FAT3: variants seen among roughly 807,000 people sequenced by gnomAD.
The protein encoded by FAT3 is FAT atypical cadherin 3, also known as protocadherin Fat 3.
In FAT3, 95 loss-of-function variants were observed where a neutral mutation model predicts 310.2. The ratio of observed to expected loss-of-function variants is 0.31; its 90% confidence interval spans 0.26 to 0.36. The LOEUF (loss-of-function observed/expected upper bound fraction) is 0.36, where lower values mean the gene tolerates loss of function less well. Ranked by LOEUF, FAT3 falls within the 10% of genes least tolerant of loss-of-function variation. The probability of loss-of-function intolerance (pLI) is 1.00; values close to 1 mark genes in which losing one functional copy is unlikely to be tolerated. For synonymous variants in FAT3, 2,314 were observed against 2,192.9 expected, an observed-to-expected ratio of 1.06 and a Z score of -1.54; for missense variants, 5,408 against 5,715.6, an observed-to-expected ratio of 0.95 and a Z score of 1.74.
At chr11:92,885,709 G>A (rs768877) in intron 24 of FAT3, among the ~76,000 whole-genome samples, 103,856 of 152,020 alleles carry the variant, frequency 0.68, 35,683 homozygotes, top group Middle Eastern at 0.79. Flanking sequence ...AAATGAAGGA[G>A]TGGAGAAAGG....
intron 22 of FAT3, among the ~76,000 whole-genome samples, chr11:92,877,940 G>A (rs1382970096): frequency 6.6e-6 from 1 of 152,110 alleles, no homozygotes; most frequent in Non-Finnish European, 1.5e-5. Flanking sequence ...GCTTAGCCTA[G>A]CCTACCTGAA....
At chr11:92,621,377 C>T (rs1215459587) in intron 3 of FAT3, among the ~76,000 whole-genome samples, 4 of 152,286 alleles carry the variant, frequency 2.6e-5, no homozygotes, top group Non-Finnish European at 5.9e-5. Context: ...ACAACTATTT[C>T]CAGATGGACA....
chr11:92,488,899 A>G (rs1952513936), intron 2 of FAT3, among the ~76,000 whole-genome samples: 1 of 152,098 alleles, frequency 6.6e-6, no homozygotes. Context: ...CTATGTCTCC[A>G]TTTCCTCAAC....
At chr11:92,425,543 C>A (rs987648579) in intron 2 of FAT3, among the ~76,000 whole-genome samples, 1 of 152,010 alleles carries the variant, frequency 6.6e-6, no homozygotes, top group Non-Finnish European at 1.5e-5. Flanking sequence ...CCCTTGCCCC[C>A]ACCCCCAACA....
At chr11:92,845,126 A>G (rs1304543575) in intron 19 of FAT3, among the ~76,000 whole-genome samples, 2 of 152,212 alleles carry the variant, frequency 1.3e-5, no homozygotes, top group Non-Finnish European at 2.9e-5. Context: ...TAGGGGCATA[A>G]GAGGAACCTA....
intron 1 of FAT3, among the ~76,000 whole-genome samples, chr11:92,291,110 C>CACACAT (rs1946679152): frequency 1.3e-5 from 2 of 151,780 alleles, no homozygotes; most frequent in African/African-American, 4.8e-5. Context: ...CACACACACA[C>CACACAT]ACACACATGC....
At chr11:92,343,474 G>A (rs751109377) in intron 1 of FAT3, among the ~76,000 whole-genome samples, 27 of 152,056 alleles carry the variant, frequency 1.8e-4, no homozygotes, top group Non-Finnish European at 3.4e-4. Context: ...TTGGCTTTTG[G>A]TTTTGTATTT....
At chr11:92,817,844 C>A (rs1947862106) in intron 13 of FAT3, among the ~76,000 whole-genome samples, 1 of 152,168 alleles carries the variant, frequency 6.6e-6, no homozygotes, top group Non-Finnish European at 1.5e-5. Context: ...TTTCCTGCCT[C>A]TTCTGACACA....
intron 2 of FAT3, among the ~76,000 whole-genome samples, chr11:92,417,333 T>A (rs868487288): frequency 3.4e-4 from 52 of 152,330 alleles, no homozygotes; most frequent in South Asian, 1.0e-3. Context: ...ACTCTCAAAT[T>A]CAATATAATA....
intron 3 of FAT3, among the ~76,000 whole-genome samples, chr11:92,645,004 T>C (rs1222288046): frequency 6.6e-6 from 1 of 152,170 alleles, no homozygotes; most frequent in African/African-American, 2.4e-5. Flanking sequence ...GTCAGCACTT[T>C]CCTCTAACAG....
At chr11:92,729,248 C>T (rs1042486306) in intron 4 of FAT3, among the ~76,000 whole-genome samples, 15 of 152,216 alleles carry the variant, frequency 9.9e-5, no homozygotes, top group South Asian at 2.1e-4. Flanking sequence ...GACTGACAAA[C>T]GCAGAGCACT....
At chr11:92,516,528 TATC>T in intron 2 of FAT3, among the ~76,000 whole-genome samples, 1 of 152,098 alleles carries the variant, frequency 6.6e-6, no homozygotes, top group East Asian at 1.9e-4. Flanking sequence ...CCATAGCCAA[TATC>T]ATACTGAATG....
chr11:92,252,829 A>T (rs1035771084), intron 1 of FAT3, among the ~76,000 whole-genome samples: 2 of 152,134 alleles, frequency 1.3e-5, no homozygotes, highest in Admixed American at 1.3e-4. Context: ...AACTGCAGCT[A>T]AACCTTCCTC....
In FAT3 at chr11:92,801,613, A is replaced by G. The variant is rs377703725; in HGVS notation, c.8600A>G (p.Asn2867Ser). Residue 2867 changes from asparagine (N) to serine (S), a missense_variant, in exon 10 of 28, where the codon AAT (asparagine) becomes AGT (serine). Physicochemically the swap from Asn to Ser is conservative, Grantham distance 46. Around this residue, in one of 5 missense-constraint regions of FAT3, gnomAD observed 4,588 missense variants for 4,809.8 expected, o/e 0.95. Transcript: ENST00000525166. ...SQPEKVMEAF[N>S]IDSNTGWIST... ...CCCGAAAAGGTAATGGAAGCATTCA[A>G]TATTGACAGCAACACGGGCTGGATC... 1.2e-6 allele frequency: 2 copies of G among 1,613,510 alleles called. No homozygotes were observed. The highest frequency in any genetic ancestry group is 1.7e-6 in the Non-Finnish European group (2 of 1,179,682).
chr11:92,813,463 G>A (rs894861653), intron 13 of FAT3, among the ~76,000 whole-genome samples: 5 of 152,052 alleles, frequency 3.3e-5, no homozygotes, highest in African/African-American at 9.7e-5. Flanking sequence ...GTGTTTGCCT[G>A]TATATATTTC....
chr11:92,225,521 G>C (rs988520810), intron 1 of FAT3, among the ~76,000 whole-genome samples: 1 of 152,092 alleles, frequency 6.6e-6, no homozygotes, highest in African/African-American at 2.4e-5. Flanking sequence ...GCTCCCAGCC[G>C]CCCCTGCAGG....
intron 1 of FAT3, among the ~76,000 whole-genome samples, chr11:92,263,672 TA>T (rs1346948304): frequency 6.6e-5 from 10 of 151,994 alleles, no homozygotes; most frequent in African/African-American, 2.4e-4. Context: ...GATGCATATA[TA>T]TTTGCATGCT....
At chr11:92,560,346 C>G (rs479937) in intron 3 of FAT3, among the ~76,000 whole-genome samples, 1 of 151,822 alleles carries the variant, frequency 6.6e-6, no homozygotes, top group African/African-American at 2.4e-5. Flanking sequence ...ATAGAAGACC[C>G]GTGTCAGATA....
intron 7 of FAT3, among the ~76,000 whole-genome samples, chr11:92,782,524 A>G (rs1055672543): frequency 2.0e-5 from 3 of 152,158 alleles, no homozygotes; most frequent in Admixed American, 1.3e-4. Flanking sequence ...GTGAGCCATG[A>G]TCACACCACT....
Sources: gnomAD v4.1 joint callset for allele counts (sites outside exome capture counted in the v4.1 genomes callset) on GRCh38, gnomAD v4.1.1 for gene constraint, gnomAD v4.1.1 regional missense constraint, MANE v1.5 for transcripts, NCBI Gene and HGNC (gene_info 2026-07-23, HGNC 2026-07-21) for gene names.